Variants in CRISP2 observed in about 807,000 individuals in gnomAD.
CRISP2 encodes the protein cysteine-rich secretory protein 2.
Under a neutral mutation model 31.7 loss-of-function variants are expected in CRISP2, and 29 were observed. The ratio of observed to expected loss-of-function variants is 0.92; its 90% CI spans 0.68 to 1.25. The LOEUF (loss-of-function observed/expected upper bound fraction) is 1.25, where lower values mean the gene tolerates loss of function less well. Ranked by LOEUF, CRISP2 falls within the 50% of genes most tolerant of loss-of-function variation. The pLI, the probability that CRISP2 is intolerant of heterozygous loss-of-function variation, is 0.00. For missense variants in CRISP2, 318 were observed against 286.5 expected, an observed-to-expected ratio of 1.11 and a Z score of -0.79; for synonymous variants, 111 against 101.4, an observed-to-expected ratio of 1.09 and a Z score of -0.57.
the CRISP2 span, among the ~76,000 whole-genome samples, chr6:49,682,961 C>A: frequency 5.3e-5 from 8 of 151,698 alleles, no homozygotes. Context: ...GAGTTCAGAA[C>A]CAGCCTGGCC....
chr6:49,701,112 G>A (rs531636047), intron 4 of CRISP2, among the ~76,000 whole-genome samples: 1 of 152,112 alleles, frequency 6.6e-6, no homozygotes, highest in South Asian at 2.1e-4. Context: ...CACAAATGCC[G>A]ATTTCTGGTT....
At chr6:49,679,779 C>G in the CRISP2 span, among the ~76,000 whole-genome samples, 1 of 151,928 alleles carries the variant, frequency 6.6e-6, no homozygotes, top group African/African-American at 2.4e-5. Context: ...GATCTTGGCT[C>G]ACTGCAACCT....
chr6:49,711,968 G>T (rs1448137108), intron 2 of CRISP2, among the ~76,000 whole-genome samples: 2 of 152,182 alleles, frequency 1.3e-5, no homozygotes, highest in Non-Finnish European at 2.9e-5. Context: ...CTGCTAGTTT[G>T]TTGAGCTCAT....
At chr6:49,685,036 C>T in the CRISP2 span, among the ~76,000 whole-genome samples, 1 of 152,190 alleles carries the variant, frequency 6.6e-6, no homozygotes, top group African/African-American at 2.4e-5. Context: ...TGTGAGCACA[C>T]TGCCAATAGT....
chr6:49,696,683 G>T (rs1764821024), intron 8 of CRISP2, among the ~76,000 whole-genome samples: 1 of 151,862 alleles, frequency 6.6e-6, no homozygotes, highest in Non-Finnish European at 1.5e-5. Flanking sequence ...ATAGGATAAT[G>T]ATGATCATTA....
At chr6:49,680,489 A>G in the CRISP2 span, among the ~76,000 whole-genome samples, 2 of 152,202 alleles carry the variant, frequency 1.3e-5, no homozygotes, top group Non-Finnish European at 2.9e-5. Flanking sequence ...TTATGATAGA[A>G]CAACTCATAT....
At chr6:49,685,079 C>A in the CRISP2 span, among the ~76,000 whole-genome samples, 2 of 152,296 alleles carry the variant, frequency 1.3e-5, no homozygotes, top group African/African-American at 2.4e-5. Flanking sequence ...CTGTTTTGGG[C>A]TCCCCGGATG....
the CRISP2 span, among the ~76,000 whole-genome samples, chr6:49,686,795 A>G: frequency 4.6e-5 from 7 of 152,222 alleles, no homozygotes; most frequent in African/African-American, 1.7e-4. Flanking sequence ...AAAGTCTTGG[A>G]ACCAATCCAA....
At chr6:49,709,719 T>C (rs1208333392) in intron 3 of CRISP2, among the ~76,000 whole-genome samples, 1 of 152,230 alleles carries the variant, frequency 6.6e-6, no homozygotes, top group East Asian at 1.9e-4. Context: ...AATACTTTAT[T>C]AGCTGTTATT....
chr6:49,677,881 GAA>G, the CRISP2 span, among the ~76,000 whole-genome samples: 2 of 152,086 alleles, frequency 1.3e-5, no homozygotes, highest in Non-Finnish European at 2.9e-5. Flanking sequence ...GGATACATAA[GAA>G]ATAATGGTAT....
At chr6:49,704,202 G>T (rs1196932045) in intron 4 of CRISP2, among the ~76,000 whole-genome samples, 3 of 151,788 alleles carry the variant, frequency 2.0e-5, no homozygotes, top group Non-Finnish European at 2.9e-5. Context: ...TCCAGGAGTT[G>T]TGATTGTTTT....
At chr6:49,688,335 C>T (rs1438766587), downstream of CRISP2, among the ~76,000 whole-genome samples, 3 of 152,088 alleles carry the variant, frequency 2.0e-5, no homozygotes, top group East Asian at 3.8e-4. Context: ...TACTAGAAGA[C>T]TTTAAGATAA....
the CRISP2 span, among the ~76,000 whole-genome samples, chr6:49,683,556 T>A: frequency 3.4e-5 from 5 of 145,544 alleles, no homozygotes; most frequent in South Asian, 8.9e-4. Flanking sequence ...CCCAACTACT[T>A]GGGAGGCTGA....
At chr6:49,713,735 C>G (rs1561898795), upstream of CRISP2, 1 of 152,184 alleles carries the variant, frequency 6.6e-6, no homozygotes, top group Non-Finnish European at 1.5e-5. Context: ...TTTCTCATTA[C>G]CACCAGTTGA....
At chr6:49,682,609 TTCTTTC>T in the CRISP2 span, among the ~76,000 whole-genome samples, 1 of 67,460 alleles carries the variant, frequency 1.5e-5, no homozygotes, top group Admixed American at 1.6e-4. Context: ...CTTTCTTTCT[TTCTTTC>T]TTTCTTTCTT....
chr6:49,701,806 TATGTATACATATATA>T (rs1464402312), intron 4 of CRISP2, among the ~76,000 whole-genome samples: 3 of 103,914 alleles, frequency 2.9e-5, no homozygotes, highest in African/African-American at 1.2e-4. Context: ...ACACATTATA[TATGTATACATATATA>T]ATGTATACAT....
chr6:49,699,737 A>C (rs1216980377), intron 6 of CRISP2, 67 bp downstream of exon 6: 7 of 1,134,774 alleles, frequency 6.2e-6, no homozygotes, highest in Non-Finnish European at 7.8e-6. Context: ...ATTATAGAGC[A>C]TCCTACAATG....
At chr6:49,702,124 T>TTA (rs1272768241) in intron 4 of CRISP2, among the ~76,000 whole-genome samples, 2 of 170 alleles carry the variant, frequency 0.012, no homozygotes, top group African/African-American at 0.028. Context: ...TATGTATACA[T>TTA]TATATATATG....
At chr6:49,700,218 A>G (rs1206430050) in intron 5 of CRISP2, among the ~76,000 whole-genome samples, 1 of 152,138 alleles carries the variant, frequency 6.6e-6, no homozygotes, top group African/African-American at 2.4e-5. Flanking sequence ...TTTTAATAGT[A>G]ATAAGATGGC....
Sources: gnomAD v4.1 joint callset for allele counts (sites outside exome capture counted in the v4.1 genomes callset) on GRCh38, gnomAD v4.1.1 for gene constraint, MANE v1.5 for transcripts, NCBI Gene and HGNC (gene_info 2026-07-23, HGNC 2026-07-21) for gene names.